The following ROBO2 variants were observed in gnomAD, a reference collection of about 807,000 sequenced individuals.
ROBO2 encodes the protein roundabout guidance receptor 2.
ROBO2 carries 53 observed loss-of-function variants against 160.8 expected under a neutral mutation model. That is an observed-to-expected ratio of 0.33 (90% confidence interval 0.26 to 0.41). ROBO2 has a LOEUF of 0.41. Ranked by LOEUF, ROBO2 falls within the 10% of genes least tolerant of loss-of-function variation. ROBO2 has a pLI of 1.00. For synonymous variants in ROBO2, 664 were observed against 611.7 expected, an observed-to-expected ratio of 1.09 and a Z score of -1.26; for missense variants, 1,577 against 1,722.4, an observed-to-expected ratio of 0.92 and a Z score of 1.49.
intron 2 of ROBO2, among the ~76,000 whole-genome samples, chr3:77,209,571 C>T (rs776046515): frequency 3.9e-5 from 6 of 151,976 alleles, no homozygotes; most frequent in African/African-American, 7.2e-5. Flanking sequence ...ACCAGTGGGC[C>T]GATTATAACG....
At chr3:76,376,599 G>C (rs1003650243) in intron 2 of ROBO2, among the ~76,000 whole-genome samples, 13 of 152,024 alleles carry the variant, frequency 8.6e-5, no homozygotes, top group African/African-American at 3.1e-4. Context: ...GCCCACAACA[G>C]ATAGAAACCA....
chr3:76,220,820 C>T (rs1703916860), intron 2 of ROBO2, among the ~76,000 whole-genome samples: 1 of 152,152 alleles, frequency 6.6e-6, no homozygotes, highest in African/African-American at 2.4e-5. Context: ...GTCCTTAGTT[C>T]TATAACTAGT....
intron 2 of ROBO2, among the ~76,000 whole-genome samples, chr3:76,973,076 C>T (rs777094994): frequency 3.3e-5 from 5 of 152,184 alleles, no homozygotes; most frequent in South Asian, 2.1e-4. Flanking sequence ...TAAAGAACCT[C>T]GGCCTGTGGA....
intron 2 of ROBO2, among the ~76,000 whole-genome samples, chr3:77,306,559 G>A (rs2063111560): frequency 6.6e-6 from 1 of 152,062 alleles, no homozygotes; most frequent in African/African-American, 2.4e-5. Context: ...GTGTGACCCT[G>A]TCTTAAAGAG....
chr3:76,553,382 G>A (rs997915785), intron 2 of ROBO2, among the ~76,000 whole-genome samples: 4 of 152,198 alleles, frequency 2.6e-5, no homozygotes, highest in African/African-American at 4.8e-5. Context: ...CATGCTACCC[G>A]GTTTTTATAA....
intron 2 of ROBO2, among the ~76,000 whole-genome samples, chr3:77,428,646 G>A (rs879644573): frequency 5.3e-5 from 8 of 152,016 alleles, no homozygotes; most frequent in Non-Finnish European, 7.4e-5. Flanking sequence ...GTGAGCCACC[G>A]CGCCCGGCCG....
chr3:77,249,576 T>A (rs937695813), intron 2 of ROBO2, among the ~76,000 whole-genome samples: 1 of 152,098 alleles, frequency 6.6e-6, no homozygotes, highest in Admixed American at 6.6e-5. Flanking sequence ...AATACTCCCA[T>A]CCATCACTTT....
intron 2 of ROBO2, among the ~76,000 whole-genome samples, chr3:76,349,242 C>A (rs145080136): frequency 3.2e-4 from 49 of 152,054 alleles, no homozygotes; most frequent in African/African-American, 1.0e-3. Context: ...AACAAAAAAG[C>A]ACTAAAATGA....
At chr3:76,317,532 T>C (rs2072136793) in intron 2 of ROBO2, among the ~76,000 whole-genome samples, 1 of 152,200 alleles carries the variant, frequency 6.6e-6, no homozygotes, top group Non-Finnish European at 1.5e-5. Context: ...CTGAACTGTA[T>C]GAATATTCAT....
chr3:77,593,385 C>T (rs577720043), intron 17 of ROBO2, among the ~76,000 whole-genome samples: 53 of 152,244 alleles, frequency 3.5e-4, no homozygotes, highest in Non-Finnish European at 5.0e-4. Flanking sequence ...AGTTATTAAA[C>T]GGGCACAATG....
chr3:76,168,466 A>AT (rs1242522154), intron 2 of ROBO2, among the ~76,000 whole-genome samples: 2 of 151,896 alleles, frequency 1.3e-5, no homozygotes, highest in Admixed American at 6.6e-5. Flanking sequence ...CTCTAGTTTC[A>AT]TTGGATTGTC....
intron 2 of ROBO2, among the ~76,000 whole-genome samples, chr3:76,129,282 G>A (rs2071129437): frequency 6.6e-6 from 1 of 152,128 alleles, no homozygotes; most frequent in Admixed American, 6.5e-5. Flanking sequence ...AGTAGTGAAT[G>A]AGATGACGTG....
rs189211915 is a variant in ROBO2 at position 77,184,748 on chromosome 3, T to C, written c.388+86408T>C. ...CTTCAGTGTTAGCTTTAAGAAATTATAGGAAGTAAAAATACATCTACTGTT... is the reference window on the plus strand; with the variant it reads ...CTTCAGTGTTAGCTTTAAGAAATTACAGGAAGTAAAAATACATCTACTGTT... On this transcript the variant is annotated intron_variant, in intron 2 of 25. Transcript: ENST00000461745. 6.1e-4 allele frequency among the ~76,000 whole-genome samples: 93 copies of C among 152,156 alleles called. No individual in the cohort carries two copies. In the Middle Eastern group the frequency reaches 0.014, roughly 22 times the overall value.
intron 2 of ROBO2, among the ~76,000 whole-genome samples, chr3:76,983,074 A>G (rs2149335392): frequency 6.6e-6 from 1 of 152,164 alleles, no homozygotes; most frequent in African/African-American, 2.4e-5. Context: ...TCACGAGGTC[A>G]GGAGTTTGAG....
At chr3:76,517,482 A>G (rs148441359) in intron 2 of ROBO2, among the ~76,000 whole-genome samples, 3 of 152,272 alleles carry the variant, frequency 2.0e-5, no homozygotes, top group African/African-American at 7.2e-5. Context: ...GCCTTAGAGA[A>G]GTTAAGTGAC....
chr3:77,639,263 T>C (rs1350252197), intron 24 of ROBO2, among the ~76,000 whole-genome samples: 1 of 152,200 alleles, frequency 6.6e-6, no homozygotes, highest in Non-Finnish European at 1.5e-5. Context: ...ATTAAGTATA[T>C]AACATATAAT....
At chr3:77,403,618 ATT>A (rs61619623) in intron 2 of ROBO2, among the ~76,000 whole-genome samples, 20,255 of 134,588 alleles carry the variant, frequency 0.15, 1,768 homozygotes, top group African/African-American at 0.24. Flanking sequence ...GTGTGTGTGT[ATT>A]TTTTTTTTTA....
chr3:76,407,035 C>T (rs537410916), intron 2 of ROBO2, among the ~76,000 whole-genome samples: 8 of 136,646 alleles, frequency 5.9e-5, no homozygotes, highest in East Asian at 2.6e-4. Context: ...AACTACTTTA[C>T]GCCTTGCTTA....
At chr3:76,013,671 T>C (rs2066285140) in intron 2 of ROBO2, among the ~76,000 whole-genome samples, 1 of 150,898 alleles carries the variant, frequency 6.6e-6, no homozygotes, top group African/African-American at 2.4e-5. Context: ...CCAGAAGTAA[T>C]ATGTATAAAG....
Sources: allele counts gnomAD v4.1 joint callset (sites outside exome capture counted in the v4.1 genomes callset), GRCh38; gene constraint gnomAD v4.1.1; transcripts MANE v1.5; gene names NCBI Gene and HGNC (gene_info 2026-07-23, HGNC 2026-07-21).